Variants in SOS1 observed in about 807,000 individuals in gnomAD.
SOS1 encodes SOS Ras/Rac guanine nucleotide exchange factor 1.
In SOS1, 25 loss-of-function variants were observed where a neutral mutation model predicts 157.6. That is an observed-to-expected ratio of 0.16 (90% CI 0.12 to 0.22). SOS1 has a LOEUF of 0.22. Among genes scored for constraint, SOS1 ranks in the 10% least tolerant of loss-of-function variants. The pLI, the probability that SOS1 is intolerant of heterozygous loss-of-function variation, is 1.00. For synonymous variants in SOS1, 528 were observed against 534.0 expected, an observed-to-expected ratio of 0.99 and a Z score of 0.16; for missense variants, 1,237 against 1,599.1, an observed-to-expected ratio of 0.77 and a Z score of 3.86.
At chr2:39,118,548 A>C (rs1483492354) in intron 1 of SOS1, among the ~76,000 whole-genome samples, 3 of 152,236 alleles carry the variant, frequency 2.0e-5, no homozygotes, top group African/African-American at 7.2e-5. Flanking sequence ...TCTCTAACTT[A>C]AAGTCAAAAG....
intron 6 of SOS1, among the ~76,000 whole-genome samples, chr2:39,046,106 T>A (rs1670773675): frequency 6.6e-6 from 1 of 152,218 alleles, no homozygotes. Context: ...GTAGTTGGAT[T>A]TTTTTATATC....
At chr2:39,021,401 ATCAC>A (rs777551657) in intron 10 of SOS1, among the ~76,000 whole-genome samples, 38 of 151,592 alleles carry the variant, frequency 2.5e-4, no homozygotes, top group Admixed American at 3.3e-4. Flanking sequence ...GAAAACTTCT[ATCAC>A]TCAATCAAGT....
chr2:39,044,249 G>A lies in SOS1; in HGVS notation c.864+6895C>T, dbSNP rs150134713. 1.9e-4 allele frequency among the ~76,000 whole-genome samples: 29 copies of A among 152,286 alleles called. 1 individual carries two copies. In the East Asian group the frequency reaches 3.9e-3, roughly 20 times the overall value. On this transcript the variant is annotated intron_variant, in intron 6 of 22. Transcript: ENST00000402219. ...GCACAGTAATCTCAACTACTGGGGT[G>A]GCTGAGGCATGAGAATTGCTTGAAC...
intron 1 of SOS1, among the ~76,000 whole-genome samples, chr2:39,096,517 C>G (rs1672767419): frequency 6.6e-6 from 1 of 152,170 alleles, no homozygotes; most frequent in African/African-American, 2.4e-5. Flanking sequence ...AGAATCAAGT[C>G]ATTTCAAATA....
intron 1 of SOS1, among the ~76,000 whole-genome samples, chr2:39,083,895 G>A (rs755724425): frequency 2.1e-4 from 32 of 152,146 alleles, no homozygotes; most frequent in Non-Finnish European, 3.7e-4. Flanking sequence ...GAAGCCCTAA[G>A]CCCCAGCACC....
At chr2:39,036,797 T>C (rs1670369014) in intron 6 of SOS1, among the ~76,000 whole-genome samples, 1 of 151,812 alleles carries the variant, frequency 6.6e-6, no homozygotes, top group Admixed American at 6.6e-5. Flanking sequence ...GGATGGTCTC[T>C]ATCTCCTGAC....
upstream of SOS1, among the ~76,000 whole-genome samples, chr2:39,121,915 A>G (rs1673906202): frequency 6.6e-6 from 1 of 152,092 alleles, no homozygotes; most frequent in Non-Finnish European, 1.5e-5. Context: ...CATTTTTTTG[A>G]GTATCATCTC....
chr2:39,054,487 G>T (rs1671135981), intron 5 of SOS1, 127 bp downstream of exon 5: 6 of 640,582 alleles, frequency 9.4e-6, no homozygotes, highest in African/African-American at 1.8e-5. Context: ...TTGTGATCAT[G>T]AATTAAGTCC....
intron 17 of SOS1, among the ~76,000 whole-genome samples, chr2:39,000,870 A>G (rs1473796788): frequency 6.6e-6 from 1 of 152,230 alleles, no homozygotes; most frequent in Non-Finnish European, 1.5e-5. Context: ...AGAGACATTT[A>G]AAAGACAGGC....
intron 17 of SOS1, among the ~76,000 whole-genome samples, chr2:38,998,526 C>T (rs1026697398): frequency 9.2e-5 from 14 of 152,212 alleles, no homozygotes; most frequent in Non-Finnish European, 1.5e-4. Context: ...GCTGGGATTA[C>T]AAGCGTGAGT....
intron 6 of SOS1, among the ~76,000 whole-genome samples, chr2:39,038,727 C>T (rs1422371364): frequency 1.1e-3 from 2 of 1,752 alleles, no homozygotes; most frequent in Non-Finnish European, 3.2e-3. Context: ...AATGAGACTC[C>T]GTCTCAAAAA....
At position 39,056,780 on chromosome 2, in the gene SOS1, C is replaced by T; in HGVS notation, c.432G>A (p.Leu144=). 1 of 1,599,390 alleles carries T rather than the reference C, an allele frequency of 6.3e-7. No individual in the cohort carries two copies. The highest frequency in any genetic ancestry group is 8.6e-7 in the Non-Finnish European group (1 of 1,166,816). The change falls in exon 4 of 23, where the codon CTG becomes CTA. Residue 144 remains leucine, a synonymous_variant. Coordinates refer to ENST00000402219, the MANE Select transcript of SOS1 (RefSeq NM_005633.4). The stretch of plus-strand genomic sequence containing the variant: ...GTATATTTCTTACATAATTCCCAAC[C>T]AGCTTTAAAATGTCTGCAGAAATGT... ...LEYISADILK[L]VGNYVRNIRH...
Position 39,029,002 on chromosome 2 carries a change from TTAAC to T in SOS1, c.1075-4869_1075-4866del, listed in dbSNP as rs150404174. On this transcript the variant is annotated intron_variant, in intron 8 of 22. Coordinates refer to ENST00000402219, the MANE Select transcript of SOS1 (RefSeq NM_005633.4). Reference sequence around the variant, plus strand: ...ATTATCCAAATTATTCCAGAACTAATTAACTAACTGCTGTGTAATTCAAGGCTTT... The same window carrying T: ...ATTATCCAAATTATTCCAGAACTAATTAACTGCTGTGTAATTCAAGGCTTT... 1.4e-3 allele frequency among the ~76,000 whole-genome samples: 209 copies of T among 152,334 alleles called. 2 individuals are homozygous for T. The East Asian group carries it at 0.029, about 21-fold the overall frequency.
Position 39,120,499 on chromosome 2 carries a change from C to T in SOS1, c.-77G>A, listed in dbSNP as rs542684392. 7 of 1,346,558 alleles carry T rather than the reference C, an allele frequency of 5.2e-6. No individual in the cohort carries two copies. The highest frequency in any genetic ancestry group is 2.8e-4 in the Middle Eastern group (1 of 3,520). The allele number at this position is 1,346,558 out of a possible 1,614,324, so 83.4% of individuals were successfully genotyped here. Reference sequence around the variant, plus strand: ...AGGGAGCCGCGAGAGGGCGAGCTCGCAGCGCGGAACAGGGCCGCGGCCCCA... The same window carrying T: ...AGGGAGCCGCGAGAGGGCGAGCTCGTAGCGCGGAACAGGGCCGCGGCCCCA... On this transcript the variant is annotated 5_prime_UTR_variant, in exon 1 of 23. Transcript: ENST00000402219.
chr2:39,024,220 C>A (rs1194672119), intron 8 of SOS1, 83 bp from the exon 9 acceptor site: 14 of 1,069,762 alleles, frequency 1.3e-5, no homozygotes, highest in Non-Finnish European at 1.9e-5. Context: ...ATAAAAATAA[C>A]ATTTATTCAA....
chr2:39,006,767 A>G (rs1669295054), intron 16 of SOS1, among the ~76,000 whole-genome samples: 1 of 152,190 alleles, frequency 6.6e-6, no homozygotes, highest in Non-Finnish European at 1.5e-5. Context: ...AATTATGTGA[A>G]CATTTAACTG....
chr2:39,110,203 CA>C (rs1172833644), intron 1 of SOS1, among the ~76,000 whole-genome samples: 1 of 152,116 alleles, frequency 6.6e-6, no homozygotes, highest in Non-Finnish European at 1.5e-5. Flanking sequence ...CATTTGCATA[CA>C]ACCTGTGCAC....
rs1390446172 is a variant in SOS1 at position 39,013,963 on chromosome 2, G to C, written c.1967C>G (p.Thr656Arg). 3 of 1,605,504 alleles carry C rather than the reference G, an allele frequency of 1.9e-6. No individual in the cohort carries two copies. In the South Asian group the frequency reaches 3.3e-5, roughly 18 times the overall value. ...CTCTATAGCTATGCGATCAGCTTCT[G>C]TTGGCTCAGGCTCTGGAATTTCAAA... is the stretch of plus-strand genomic sequence containing the variant. ...ERFEIPEPEP[T>R]EADRIAIENG... The change falls in exon 12 of 23, where the codon ACA becomes AGA. Residue 656 changes from threonine (T) to arginine (R), a missense_variant. By Grantham distance (71) the Thr-to-Arg change is moderately conservative. Transcript: ENST00000402219.
At chr2:39,031,049 T>C (rs1057104742) in intron 8 of SOS1, among the ~76,000 whole-genome samples, 4 of 151,888 alleles carry the variant, frequency 2.6e-5, no homozygotes, top group African/African-American at 4.8e-5. Flanking sequence ...TTAGAGAAAG[T>C]GTGGCCCTGC....
Sources: gnomAD v4.1 joint callset for allele counts (sites outside exome capture counted in the v4.1 genomes callset) on GRCh38, gnomAD v4.1.1 for gene constraint, MANE v1.5 for transcripts, NCBI Gene and HGNC (gene_info 2026-07-23, HGNC 2026-07-21) for gene names.